The following TACC1 variants were observed in gnomAD, a reference collection of about 807,000 sequenced individuals.
TACC1 encodes the protein transforming acidic coiled-coil-containing protein 1.
A neutral mutation model predicts 84.4 loss-of-function variants in TACC1; 48 were observed. The ratio of observed to expected loss-of-function variants is 0.57; its 90% CI spans 0.45 to 0.72. The LOEUF (loss-of-function observed/expected upper bound fraction) is 0.72, where lower values mean the gene tolerates loss of function less well. Among genes scored for constraint, TACC1 ranks in the 30% least tolerant of loss-of-function variants. The pLI, the probability that TACC1 is intolerant of heterozygous loss-of-function variation, is 0.00. For missense variants in TACC1, 920 were observed against 973.0 expected, an observed-to-expected ratio of 0.95 and a Z score of 0.72; for synonymous variants, 372 against 376.3, an observed-to-expected ratio of 0.99 and a Z score of 0.13.
chr8:38,743,687 A>G (rs1205017248), intron 2 of TACC1, among the ~76,000 whole-genome samples: 1 of 152,186 alleles, frequency 6.6e-6, no homozygotes, highest in Non-Finnish European at 1.5e-5. Context: ...ACTCAAAATA[A>G]TAGTGACTAA....
intron 5 of TACC1, among the ~76,000 whole-genome samples, chr8:38,829,020 T>C (rs372819460): frequency 6.6e-6 from 1 of 152,224 alleles, no homozygotes; most frequent in Non-Finnish European, 1.5e-5. Flanking sequence ...AAGCCTCTTA[T>C]TGATGGACTC....
chr8:38,832,552 TTTTAAG>T (rs1829469425), intron 6 of TACC1, among the ~76,000 whole-genome samples: 1 of 152,170 alleles, frequency 6.6e-6, no homozygotes. Flanking sequence ...ATCATTCACT[TTTTAAG>T]TTTATCTGTG....
At chr8:38,748,470 T>G (rs1242606015) in intron 3 of TACC1, among the ~76,000 whole-genome samples, 1 of 152,178 alleles carries the variant, frequency 6.6e-6, no homozygotes, top group African/African-American at 2.4e-5. Flanking sequence ...TTTTAGAACA[T>G]TTCACTCAGC....
intron 6 of TACC1, among the ~76,000 whole-genome samples, chr8:38,832,896 C>A (rs1470021815): frequency 1.3e-5 from 2 of 152,202 alleles, no homozygotes; most frequent in African/African-American, 2.4e-5. Context: ...TCAGTGGCAT[C>A]TGTGCTCACT....
chr8:38,787,229 G>C, upstream of TACC1: 1 of 1,004,878 alleles, frequency 1.0e-6, no homozygotes, highest in Non-Finnish European at 1.2e-6. Context: ...CGCCGGCCGG[G>C]AGGCGGGAGT....
At chr8:38,838,780 A>C (rs1830685187) in intron 8 of TACC1, among the ~76,000 whole-genome samples, 1 of 152,264 alleles carries the variant, frequency 6.6e-6, no homozygotes, top group Non-Finnish European at 1.5e-5. Flanking sequence ...TATAACATGT[A>C]AACAGAACCC....
At chr8:38,763,405 C>A (rs984221501) in intron 3 of TACC1, among the ~76,000 whole-genome samples, 2 of 152,154 alleles carry the variant, frequency 1.3e-5, no homozygotes, top group Non-Finnish European at 2.9e-5. Flanking sequence ...AATTCTCCCC[C>A]CTCAGCCTCC....
At chr8:38,838,577 A>C in intron 8 of TACC1, 31 bp downstream of exon 8, 1 of 1,545,540 alleles carries the variant, frequency 6.5e-7, no homozygotes, top group South Asian at 1.1e-5. Flanking sequence ...GAGGGGCTGG[A>C]TACTTTTATG....
chr8:38,783,302 T>C (rs375268645), upstream of TACC1, among the ~76,000 whole-genome samples: 9 of 152,066 alleles, frequency 5.9e-5, no homozygotes, highest in South Asian at 1.9e-3. Context: ...ACAAGAGTTG[T>C]TCACCAGAGC....
upstream of TACC1, among the ~76,000 whole-genome samples, chr8:38,786,669 G>A (rs561975083): frequency 1.3e-5 from 2 of 152,230 alleles, no homozygotes; most frequent in Non-Finnish European, 1.5e-5. Context: ...GGGAGGGGGA[G>A]GGCATCTTAA....
intron 1 of TACC1, among the ~76,000 whole-genome samples, chr8:38,733,840 G>A (rs1369729263): frequency 2.0e-5 from 3 of 152,150 alleles, no homozygotes; most frequent in Non-Finnish European, 2.9e-5. Flanking sequence ...AAGCATGGGC[G>A]TGTTTATAAC....
chr8:38,734,090 T>C (rs572711064), intron 1 of TACC1, among the ~76,000 whole-genome samples: 2 of 152,144 alleles, frequency 1.3e-5, no homozygotes, highest in Non-Finnish European at 2.9e-5. Flanking sequence ...CCTCCCAAGA[T>C]TTTGGGGATG....
At chr8:38,841,574 T>G (rs1165490666) in intron 9 of TACC1, among the ~76,000 whole-genome samples, 1 of 152,138 alleles carries the variant, frequency 6.6e-6, no homozygotes, top group Non-Finnish European at 1.5e-5. Context: ...TACAAATAAA[T>G]TTTAGCAAGT....
At chr8:38,803,404 T>C (rs1326195666) in intron 2 of TACC1, among the ~76,000 whole-genome samples, 1 of 152,224 alleles carries the variant, frequency 6.6e-6, no homozygotes, top group Non-Finnish European at 1.5e-5. Context: ...CTGTGAGTTT[T>C]TCATAAATGC....
At chr8:38,834,158 T>A (rs1485525323) in intron 6 of TACC1, among the ~76,000 whole-genome samples, 2 of 152,220 alleles carry the variant, frequency 1.3e-5, no homozygotes, top group Non-Finnish European at 2.9e-5. Flanking sequence ...TGTTACAGGC[T>A]GTGCAATCCA....
At chr8:38,764,700 C>T (rs1811886964) in intron 3 of TACC1, among the ~76,000 whole-genome samples, 1 of 152,160 alleles carries the variant, frequency 6.6e-6, no homozygotes, top group South Asian at 2.1e-4. Context: ...TGCGCAGTGG[C>T]TCATGCCTGT....
chr8:38,832,599 G>A (rs1312637446), intron 6 of TACC1, among the ~76,000 whole-genome samples: 1 of 152,170 alleles, frequency 6.6e-6, no homozygotes, highest in Non-Finnish European at 1.5e-5. Context: ...ATGTGGTCTT[G>A]TGCCCAGCAG....
chr8:38,802,002 C>T (rs1291498670), intron 2 of TACC1, among the ~76,000 whole-genome samples: 2 of 152,238 alleles, frequency 1.3e-5, no homozygotes, highest in Non-Finnish European at 2.9e-5. Context: ...CAGCCTCAAC[C>T]TCCCAGGCTT....
chr8:38,784,716 C>A (rs188122801), upstream of TACC1, among the ~76,000 whole-genome samples: 196 of 152,310 alleles, frequency 1.3e-3, 1 homozygote, highest in Non-Finnish European at 2.1e-3. Flanking sequence ...CTTAGCCAAA[C>A]TCACAAGGAC....
Sources: allele counts gnomAD v4.1 joint callset (sites outside exome capture counted in the v4.1 genomes callset), GRCh38; gene constraint gnomAD v4.1.1; transcripts MANE v1.5; gene names NCBI Gene and HGNC (gene_info 2026-07-23, HGNC 2026-07-21).